The following RBAK variants were observed in gnomAD, a reference collection of about 807,000 sequenced individuals.
The protein encoded by RBAK is RB-associated KRAB zinc finger protein.
A neutral mutation model predicts 65.8 loss-of-function variants in RBAK; 39 were observed. The ratio of observed to expected loss-of-function variants is 0.59; its 90% CI spans 0.46 to 0.77. RBAK has a LOEUF of 0.77. Ranked by LOEUF, RBAK falls within the 30% of genes least tolerant of loss-of-function variation. RBAK has a pLI of 0.00. For missense variants in RBAK, 884 were observed against 855.1 expected, an observed-to-expected ratio of 1.03 and a Z score of -0.42; for synonymous variants, 343 against 289.7, an observed-to-expected ratio of 1.18 and a Z score of -1.87.
rs1243207008 is a variant in RBAK at position 5,046,155 on chromosome 7, G to T, written c.-286G>T. ...GCGGCGGGACGCGGGCCTGGCCCGT[G>T]TGTGTCCTGGCGGCCTGGCCCAGGC... On this transcript the variant is annotated 5_prime_UTR_variant, in exon 1 of 5. Transcript: ENST00000396912. The T allele has an allele frequency of 4.8e-6, 2 of 415,010 alleles. No homozygotes were observed. The highest frequency in any genetic ancestry group is 9.5e-6 in the Non-Finnish European group (2 of 209,448). The allele number at this position is 415,010 out of a possible 1,614,324, so 25.7% of individuals were successfully genotyped here.
In RBAK at chr7:5,069,157, T is replaced by C. The variant is rs529470560; in HGVS notation, c.*3556T>C. 4 of 152,350 alleles carry C rather than the reference T, an allele frequency of 2.6e-5. No individual in the cohort carries two copies. The highest frequency in any genetic ancestry group is 9.6e-5 in the African/African-American group (4 of 41,590). 9.4% of individuals were successfully genotyped at this position (152,350 alleles called of 1,614,324 possible). ...TGTGTTAAACTTTCCATAAAAGTTTTCTAAAATCACAAATGGCTAACATTT... is the reference window on the plus strand; with the variant it reads ...TGTGTTAAACTTTCCATAAAAGTTTCCTAAAATCACAAATGGCTAACATTT... On this transcript the variant is annotated 3_prime_UTR_variant, in exon 5 of 5. Coordinates refer to ENST00000396912, the MANE Select transcript of RBAK (RefSeq NM_021163.4).
intron 4 of RBAK, among the ~76,000 whole-genome samples, chr7:5,059,326 T>G (rs1340598632): frequency 1.3e-5 from 2 of 151,972 alleles, no homozygotes; most frequent in Non-Finnish European, 2.9e-5. Flanking sequence ...CTTCATTCCT[T>G]CCTTCCATTT....
chr7:5,060,476 C>T (rs1470593142), intron 4 of RBAK, among the ~76,000 whole-genome samples: 1 of 152,214 alleles, frequency 6.6e-6, no homozygotes. Context: ...TCAGCTTTCA[C>T]ATGGATAATT....
rs982023237 is a variant in RBAK, at chr7:5,046,091, C to G, written c.-350C>G. On this transcript the variant is annotated 5_prime_UTR_variant, in exon 1 of 5. Transcript: ENST00000396912. ...CCGGCGGCGCTGGGGCCAGAGGGGCCGGACGGGAGGTGGCGGAGGTGGCGG... is the reference window on the plus strand; with the variant it reads ...CCGGCGGCGCTGGGGCCAGAGGGGCGGGACGGGAGGTGGCGGAGGTGGCGG... 1.6e-5 allele frequency: 5 copies of G among 310,514 alleles called. No homozygotes were observed. Among genetic ancestry groups the G allele is most frequent in the Non-Finnish European group, 3.1e-5 (5 of 163,850 alleles). 19.2% of individuals were successfully genotyped at this position (310,514 alleles called of 1,614,324 possible). A position where few individuals can be genotyped will look rare whatever the true frequency, so the allele number is the denominator to read the frequency against.
chr7:5,055,246 ATGTGTGTGTGTGTG>A (rs71535173), intron 2 of RBAK, among the ~76,000 whole-genome samples: 48 of 147,016 alleles, frequency 3.3e-4, no homozygotes, highest in Middle Eastern at 3.5e-3. Flanking sequence ...TGAGGCATAA[ATGTGTGTGTGTGTG>A]TGTGTGTGTG....
Position 5,061,624 on chromosome 7 carries a change from A to G in RBAK, c.239-2071A>G, listed in dbSNP as rs1779073242. Among the ~76,000 whole-genome samples, 3 of 150,266 alleles carry G rather than the reference A, an allele frequency of 2.0e-5. No homozygotes were observed. In the South Asian group the frequency reaches 6.6e-4, roughly 33 times the overall value. ...TTTTTAAGATATTCCCTGGCCGGCC[A>G]CGGTGGCTCGTGTTTGTAATCCCAG... is the stretch of plus-strand genomic sequence containing the variant. On this transcript the variant is annotated intron_variant, in intron 4 of 4. Coordinates refer to ENST00000396912, the MANE Select transcript of RBAK (RefSeq NM_021163.4).
Position 5,046,003 on chromosome 7 carries a change from G to A in RBAK, c.-438G>A. 3.5e-6 allele frequency: 1 copy of A among 282,478 alleles called. No homozygotes were observed. Among genetic ancestry groups the A allele is most frequent in the South Asian group, 2.9e-5 (1 of 34,576 alleles). 17.5% of individuals were successfully genotyped at this position (282,478 alleles called of 1,614,324 possible). A position where few individuals can be genotyped will look rare whatever the true frequency, so the allele number is the denominator to read the frequency against. On this transcript the variant is annotated 5_prime_UTR_variant, in exon 1 of 5. Transcript: ENST00000396912. ...ACCTAGGCGGGCGCGGGGGTGTGCAGGCCAGGGTTCGCGCGGGCCGGGTGG... is the reference window on the plus strand; with the variant it reads ...ACCTAGGCGGGCGCGGGGGTGTGCAAGCCAGGGTTCGCGCGGGCCGGGTGG...
chr7:5,052,765 A>ATTGG (rs1788144717), intron 2 of RBAK, among the ~76,000 whole-genome samples: 1 of 151,740 alleles, frequency 6.6e-6, no homozygotes, highest in South Asian at 2.1e-4. Flanking sequence ...TGATTGATTG[A>ATTGG]TTGATTGATT....
intron 2 of RBAK, among the ~76,000 whole-genome samples, chr7:5,050,217 A>C (rs1788085388): frequency 6.6e-6 from 1 of 152,216 alleles, no homozygotes; most frequent in Non-Finnish European, 1.5e-5. Context: ...TAAATCTTTT[A>C]ATAGTTCCTA....
intron 2 of RBAK, among the ~76,000 whole-genome samples, chr7:5,054,246 A>G (rs1020196062): frequency 7.9e-5 from 12 of 151,990 alleles, no homozygotes; most frequent in African/African-American, 2.4e-4. Flanking sequence ...CTATACTAAA[A>G]ATACAAAAAT....
In RBAK at chr7:5,046,342, G is replaced by A. The variant is rs771989323; in HGVS notation, c.-99G>A. 1.9e-6 allele frequency: 1 copy of A among 515,138 alleles called. No homozygotes were observed. The highest frequency in any genetic ancestry group is 3.9e-6 in the Non-Finnish European group (1 of 259,178). 31.9% of individuals were successfully genotyped at this position (515,138 alleles called of 1,614,324 possible). On this transcript the variant is annotated 5_prime_UTR_variant, in exon 1 of 5. Transcript: ENST00000396912. ...GAGCAGACGCGCGCCAGCGACAGCA[G>A]CCCCGCCCCGGCCTCTCGGGAGCCG...
chr7:5,063,615 G>A lies in RBAK; in HGVS notation c.239-80G>A, dbSNP rs972546750. 10 of 1,139,720 alleles carry A rather than the reference G, an allele frequency of 8.8e-6. No individual in the cohort carries two copies. In the Admixed American group the frequency reaches 3.1e-4, roughly 35 times the overall value. The allele number at this position is 1,139,720 out of a possible 1,614,324, so 70.6% of individuals were successfully genotyped here. A position where few individuals can be genotyped will look rare whatever the true frequency, so the allele number is the denominator to read the frequency against. On this transcript the variant is annotated intron_variant, in intron 4 of 4. Coordinates refer to ENST00000396912, the MANE Select transcript of RBAK (RefSeq NM_021163.4). ...CTAAAGCCAGAGTCAACCCCACAAT[G>A]GGGGCTCTTGAATACCAGTACCTTT...
chr7:5,065,325 T>C lies in RBAK; in HGVS notation c.1869T>C (p.Tyr623=). 6.2e-7 allele frequency: 1 copy of C among 1,613,924 alleles called. No individual in the cohort carries two copies. The highest frequency in any genetic ancestry group is 8.5e-7 in the Non-Finnish European group (1 of 1,179,896). Residue 623 remains tyrosine (Y), a synonymous_variant, in exon 5 of 5, where the codon TAT becomes TAC. Transcript: ENST00000396912. This position sits in a 1 kb window ranked among gnomAD's most constrained non-coding sequence, Gnocchi z 5.3. ...GAATTCATTCAGGAGAGAAACCCTA[T>C]GAATGTAGTAAATGTGGAAAAGTCT... ...HHRIHSGEKP[Y]ECSKCGKVFS...
At position 5,046,208 on chromosome 7, in the gene RBAK, G is replaced by A. The variant is rs1276136841; in HGVS notation, c.-233G>A. 2.0e-6 allele frequency: 1 copy of A among 491,512 alleles called. No homozygotes were observed. The highest frequency in any genetic ancestry group is 1.9e-5 in the African/African-American group (1 of 51,416). 30.4% of individuals were successfully genotyped at this position (491,512 alleles called of 1,614,324 possible). ...CCGCTGTACGGTGAGCCCGAGGGAG[G>A]CGGATCTGGGTCCCGGGAAGGACAC... On this transcript the variant is annotated 5_prime_UTR_variant, in exon 1 of 5. Coordinates refer to ENST00000396912, the MANE Select transcript of RBAK (RefSeq NM_021163.4).
At chr7:5,049,700 CTGTTT>C (rs544581356) in intron 2 of RBAK, among the ~76,000 whole-genome samples, 11 of 151,920 alleles carry the variant, frequency 7.2e-5, no homozygotes, top group Non-Finnish European at 1.0e-4. Flanking sequence ...ATGATGAAGT[CTGTTT>C]TGTTTTGTTT....
At position 5,066,884 on chromosome 7, in the gene RBAK, G is replaced by A. The variant is rs1779230582; in HGVS notation, c.*1283G>A. Reference sequence around the variant, plus strand: ...ACTTGTTCTGGGAAAAGGTAAAATGGTAATCAAATAGATTGTGTTCCAGGA... The same window carrying A: ...ACTTGTTCTGGGAAAAGGTAAAATGATAATCAAATAGATTGTGTTCCAGGA... On this transcript the variant is annotated 3_prime_UTR_variant, in exon 5 of 5. Coordinates refer to ENST00000396912, the MANE Select transcript of RBAK (RefSeq NM_021163.4). The A allele has an allele frequency of 6.6e-6, 1 of 152,142 alleles. No homozygotes were observed. Among genetic ancestry groups the A allele is most frequent in the Admixed American group, 6.5e-5 (1 of 15,272 alleles). The allele number at this position is 152,142 out of a possible 1,614,324, so 9.4% of individuals were successfully genotyped here. A position where few individuals can be genotyped will look rare whatever the true frequency, so the allele number is the denominator to read the frequency against.
At chr7:5,056,038 T>C (rs1363088156) in intron 2 of RBAK, among the ~76,000 whole-genome samples, 2 of 152,100 alleles carry the variant, frequency 1.3e-5, no homozygotes, top group Non-Finnish European at 2.9e-5. Context: ...GGCTCAAGCC[T>C]GTAATCCCAA....
chr7:5,053,051 C>T (rs1788151693), intron 2 of RBAK, among the ~76,000 whole-genome samples: 1 of 152,236 alleles, frequency 6.6e-6, no homozygotes, highest in Admixed American at 6.5e-5. Flanking sequence ...TAAGCCACCA[C>T]ACCCAGCCCA....
In RBAK at chr7:5,065,552, G is replaced by T; in HGVS notation, c.2096G>T (p.Arg699Ile). 1 of 1,561,994 alleles carries T rather than the reference G, an allele frequency of 6.4e-7. No homozygotes were observed. Among genetic ancestry groups the T allele is most frequent in the Non-Finnish European group, 8.6e-7 (1 of 1,157,764 alleles). ...AGATCAGCCTTCAATAGCCATCAGA[G>T]AATTCATAGAAGAGGAAATATGAAC... ...HHRSAFNSHQRIHRRGNMNVL... is the reference protein window; with the variant it reads ...HHRSAFNSHQIIHRRGNMNVL... The change falls in exon 5 of 5, where the codon AGA becomes ATA. Residue 699 changes from arginine (R) to isoleucine (I), a missense_variant. Arg to Ile is a moderately conservative substitution (Grantham distance 97). Coordinates refer to ENST00000396912, the MANE Select transcript of RBAK (RefSeq NM_021163.4). This position sits in a 1 kb window ranked among gnomAD's most constrained non-coding sequence, Gnocchi z 5.3.
Sources: allele counts gnomAD v4.1 joint callset (sites outside exome capture counted in the v4.1 genomes callset), GRCh38; gene constraint gnomAD v4.1.1; non-coding constraint Gnocchi (gnomAD v3.1); transcripts MANE v1.5; gene names NCBI Gene and HGNC (gene_info 2026-07-23, HGNC 2026-07-21).